Variants in MMP16 observed in about 807,000 individuals in gnomAD.
MMP16 encodes matrix metalloproteinase-16.
Under a neutral mutation model 67.8 loss-of-function variants are expected in MMP16, and 12 were observed. That is an observed-to-expected ratio of 0.18 (90% confidence interval 0.11 to 0.29). MMP16 has a LOEUF of 0.29. MMP16 is among the 10% of genes least tolerant of loss of function. The probability of loss-of-function intolerance (pLI) is 1.00; values close to 1 mark genes in which losing one functional copy is unlikely to be tolerated. For synonymous variants in MMP16, 249 were observed against 255.9 expected (o/e 0.97, Z 0.26); for missense variants, 475 against 765.7 (o/e 0.62, Z 4.48).
chr8:88,266,308 T>C (rs1212770174), intron 1 of MMP16, among the ~76,000 whole-genome samples: 2 of 150,932 alleles, frequency 1.3e-5, no homozygotes, highest in Non-Finnish European at 2.9e-5. Context: ...GACCATCTCC[T>C]TATTAGTGAT....
At chr8:88,169,583 T>C (rs1808767261) in intron 3 of MMP16, among the ~76,000 whole-genome samples, 1 of 152,206 alleles carries the variant, frequency 6.6e-6, no homozygotes, top group Non-Finnish European at 1.5e-5. Flanking sequence ...CTAATAAATA[T>C]CTAGATTATA....
Position 88,080,874 on chromosome 8 carries a change from T to C in MMP16, c.1084-6131A>G, listed in dbSNP as rs570915750. On this transcript the variant is annotated intron_variant, in intron 6 of 9. Transcript: ENST00000286614. Reference sequence around the variant, plus strand: ...GAAAGACAAAAATGTGGCAGCTATATACATAATAAGGAGGAACGTGATTTA... The same window carrying C: ...GAAAGACAAAAATGTGGCAGCTATACACATAATAAGGAGGAACGTGATTTA... Among the ~76,000 whole-genome samples the C allele has an allele frequency of 4.9e-4, 74 of 152,282 alleles. 1 individual carries two copies. The highest frequency in any genetic ancestry group is 1.3e-3 in the African/African-American group (53 of 41,562).
chr8:88,156,029 A>T (rs1808503477), intron 4 of MMP16, among the ~76,000 whole-genome samples: 1 of 152,160 alleles, frequency 6.6e-6, no homozygotes, highest in Non-Finnish European at 1.5e-5. Flanking sequence ...GGAATAAATG[A>T]GTTAAATACA....
chr8:88,186,193 A>C (rs1187791629), intron 3 of MMP16: 6 of 267,018 alleles, frequency 2.2e-5, no homozygotes, highest in Non-Finnish European at 4.2e-5. Flanking sequence ...TTGTCAAAGC[A>C]TGTAATATGT....
intron 1 of MMP16, among the ~76,000 whole-genome samples, chr8:88,204,329 T>A (rs1041295719): frequency 6.6e-6 from 1 of 152,188 alleles, no homozygotes; most frequent in African/African-American, 2.4e-5. Context: ...TCATGATTTA[T>A]AACCAGCTAA....
At position 88,322,672 on chromosome 8, in the gene MMP16, T is replaced by TA. The variant is rs1288685657; in HGVS notation, c.132+4402dup. Among the ~76,000 whole-genome samples, 571 of 146,440 alleles carry TA rather than the reference T, an allele frequency of 3.9e-3. 6 individuals are homozygous for TA. The highest frequency in any genetic ancestry group is 0.021 in the Middle Eastern group (6 of 286). ...AGTGAGATCTTGTCTCAATGAAAAT[T>TA]AAAAAAAAAAAAAGAAAAAAGAAAA... On this transcript the variant is annotated intron_variant, in intron 1 of 9. Transcript: ENST00000286614.
intron 1 of MMP16, among the ~76,000 whole-genome samples, chr8:88,247,572 G>A (rs2129915661): frequency 6.6e-6 from 1 of 152,138 alleles, no homozygotes; most frequent in African/African-American, 2.4e-5. Context: ...AGGGTTCACT[G>A]TTGTGGTTCT....
chr8:88,197,257 G>A lies in MMP16; in HGVS notation c.182C>T (p.Ser61Leu). The change falls in exon 2 of 10, where the codon TCA becomes TTA. Residue 61 changes from serine (S) to leucine (L), a missense_variant. This residue lies in a region of MMP16 where 170 missense variants were observed against 239.6 expected (regional missense o/e 0.71). Transcript: ENST00000286614. ...GYLPPTDPRM[S>L]VLRSAETMQS... ...CATGGTCTCTGCAGAGCGCAGCACTGACATTCTGGGGTCAGTCGGTGGAAG... is the reference window on the plus strand; with the variant it reads ...CATGGTCTCTGCAGAGCGCAGCACTAACATTCTGGGGTCAGTCGGTGGAAG... The A allele has an allele frequency of 6.3e-7, 1 of 1,598,008 alleles. No homozygotes were observed. Among genetic ancestry groups the A allele is most frequent in the East Asian group, 2.3e-5 (1 of 43,878 alleles).
intron 1 of MMP16, among the ~76,000 whole-genome samples, chr8:88,211,565 T>G (rs1173065390): frequency 7.9e-5 from 12 of 152,112 alleles, no homozygotes; most frequent in Admixed American, 7.2e-4. Context: ...GGAAATGGAA[T>G]CTTAAACACA....
Position 88,040,229 on chromosome 8 carries a change from C to T in MMP16, c.*1232G>A, listed in dbSNP as rs1055562185. 1 of 152,270 alleles carries T rather than the reference C, an allele frequency of 6.6e-6. No individual in the cohort carries two copies. The highest frequency in any genetic ancestry group is 1.5e-5 in the Non-Finnish European group (1 of 67,954). The allele number at this position is 152,270 out of a possible 1,614,324, so 9.4% of individuals were successfully genotyped here. A position where few individuals can be genotyped will look rare whatever the true frequency, so the allele number is the denominator to read the frequency against. On this transcript the variant is annotated 3_prime_UTR_variant, in exon 10 of 10. Coordinates refer to ENST00000286614, the MANE Select transcript of MMP16 (RefSeq NM_005941.5). Reference sequence around the variant, plus strand: ...TTAATAAAATACCTTTTTTATTTGCCAGAAAAATTTTGGCAAGTAACATCA... The same window carrying T: ...TTAATAAAATACCTTTTTTATTTGCTAGAAAAATTTTGGCAAGTAACATCA...
chr8:88,288,317 T>C (rs1331056059), intron 1 of MMP16, among the ~76,000 whole-genome samples: 36 of 152,238 alleles, frequency 2.4e-4, no homozygotes, highest in Non-Finnish European at 1.5e-5. Flanking sequence ...GTTGCAGCAA[T>C]TAACATAAAC....
At chr8:88,294,013 C>T (rs1810965519) in intron 1 of MMP16, among the ~76,000 whole-genome samples, 1 of 152,034 alleles carries the variant, frequency 6.6e-6, no homozygotes, top group Non-Finnish European at 1.5e-5. Context: ...TTATAATTTA[C>T]AGTCACTCAA....
At chr8:88,128,211 A>G (rs1356708795) in intron 4 of MMP16, among the ~76,000 whole-genome samples, 1 of 151,908 alleles carries the variant, frequency 6.6e-6, no homozygotes, top group East Asian at 1.9e-4. Context: ...TAATTAGCAA[A>G]ACAATTAGTG....
Position 88,291,742 on chromosome 8 carries a change from T to C in MMP16, c.132+35333A>G, listed in dbSNP as rs75628113. On this transcript the variant is annotated intron_variant, in intron 1 of 9. Transcript: ENST00000286614. ...AATTTTGTAGAATAACGATTAGTAA[T>C]ATATTTTACTGCAAGTTAATATTTA... is the stretch of plus-strand genomic sequence containing the variant. Among the ~76,000 whole-genome samples, 13 of 152,324 alleles carry C rather than the reference T, an allele frequency of 8.5e-5. No homozygotes were observed. In the East Asian group the frequency reaches 2.5e-3, roughly 29 times the overall value.
chr8:88,259,358 A>G (rs1475916097), intron 1 of MMP16, among the ~76,000 whole-genome samples: 1 of 152,214 alleles, frequency 6.6e-6, no homozygotes, highest in Non-Finnish European at 1.5e-5. Context: ...TCACTAGAGT[A>G]TTAGAACAAA....
chr8:88,134,152 G>C (rs551409084), intron 4 of MMP16, among the ~76,000 whole-genome samples: 1 of 151,780 alleles, frequency 6.6e-6, no homozygotes, highest in South Asian at 2.1e-4. Context: ...CTTCTTAGCA[G>C]CTAATGAGAA....
At chr8:88,276,956 T>C (rs1327255790) in intron 1 of MMP16, among the ~76,000 whole-genome samples, 2 of 152,298 alleles carry the variant, frequency 1.3e-5, no homozygotes, top group South Asian at 2.1e-4. Flanking sequence ...AATTAAATTA[T>C]CTTTATTTTT....
intron 3 of MMP16, among the ~76,000 whole-genome samples, chr8:88,172,422 A>G: frequency 6.6e-6 from 1 of 152,212 alleles, no homozygotes; most frequent in East Asian, 1.9e-4. Context: ...AGAGTTTAGA[A>G]ACTTTTATGC....
intron 6 of MMP16, among the ~76,000 whole-genome samples, chr8:88,090,605 C>A (rs1002830725): frequency 4.0e-5 from 6 of 151,692 alleles, no homozygotes; most frequent in Non-Finnish European, 8.8e-5. Context: ...TGCTCAAATG[C>A]ATGACTAAAA....
Sources: gnomAD v4.1 joint callset for allele counts (sites outside exome capture counted in the v4.1 genomes callset) on GRCh38, gnomAD v4.1.1 for gene constraint, gnomAD v4.1.1 regional missense constraint, MANE v1.5 for transcripts, NCBI Gene and HGNC (gene_info 2026-07-23, HGNC 2026-07-21) for gene names.